The following CTDP1 variants were observed in gnomAD, a reference collection of about 807,000 sequenced individuals.
CTDP1 encodes the protein RNA polymerase II subunit A C-terminal domain phosphatase.
CTDP1 carries 47 observed loss-of-function variants against 91.8 expected under a neutral mutation model. The observed-to-expected ratio is 0.51, with a 90% CI of 0.41 to 0.65. The LOEUF is 0.65. Ranked by LOEUF, CTDP1 falls within the 30% of genes least tolerant of loss-of-function variation. The pLI, the probability that CTDP1 is intolerant of heterozygous loss-of-function variation, is 0.00. For synonymous variants in CTDP1, 656 were observed against 598.5 expected (o/e 1.10, Z -1.40); for missense variants, 1,272 against 1,373.7 (o/e 0.93, Z 1.17).
chr18:79,727,497 G>T (rs1264038901), intron 10 of CTDP1, among the ~76,000 whole-genome samples: 1 of 152,194 alleles, frequency 6.6e-6, no homozygotes, highest in Non-Finnish European at 1.5e-5. Flanking sequence ...GGGAAGCGTG[G>T]CGTTTGCGGC....
intron 11 of CTDP1, among the ~76,000 whole-genome samples, chr18:79,734,762 G>T (rs113149617): frequency 0.012 from 1,903 of 152,348 alleles, 39 homozygotes; most frequent in African/African-American, 0.044. Context: ...AATTATTCCC[G>T]TAGGAGATTT....
chr18:79,725,941 C>G (rs476465), intron 10 of CTDP1, among the ~76,000 whole-genome samples: 116,019 of 152,198 alleles, frequency 0.76, 44,479 homozygotes, highest in Middle Eastern at 0.8. Context: ...CTGCCTTCCA[C>G]GTTTTTCTCT....
In CTDP1 at chr18:79,713,332, A is replaced by T. The variant is rs142956492; in HGVS notation, c.1030+194A>T. Among the ~76,000 whole-genome samples, 1 of 152,160 alleles carries T rather than the reference A, an allele frequency of 6.6e-6. No homozygotes were observed. Among genetic ancestry groups the T allele is most frequent in the African/African-American group, 2.4e-5 (1 of 41,502 alleles). On this transcript the variant is annotated intron_variant, in intron 7 of 12. Transcript: ENST00000613122. The surrounding 1 kb of genome is among the most constrained non-coding windows in gnomAD (Gnocchi z 4.7). ...ATTAGGTTGTTTCAATTTGGGCTTT[A>T]AAAAAAATGGCCCTCACTTAAGCGT... is the stretch of plus-strand genomic sequence containing the variant.
At position 79,706,946 on chromosome 18, in the gene CTDP1, C is replaced by T. The variant is rs141383983; in HGVS notation, c.772+2029C>T. Among the ~76,000 whole-genome samples, 521 of 152,392 alleles carry T rather than the reference C, an allele frequency of 3.4e-3. 1 individual carries two copies. Among genetic ancestry groups the T allele is most frequent in the African/African-American group, 0.01 (433 of 41,598 alleles). ...TTCTCCTCCTGTCCCGTCTTCCATA[C>T]GTTGATCTGGTGCCCGTGCAAGTGT... On this transcript the variant is annotated intron_variant, in intron 5 of 12. Coordinates refer to ENST00000613122, the MANE Select transcript of CTDP1 (RefSeq NM_004715.5).
intron 1 of CTDP1, among the ~76,000 whole-genome samples, chr18:79,688,028 C>T (rs1462338256): frequency 6.6e-6 from 1 of 152,196 alleles, no homozygotes; most frequent in Admixed American, 6.5e-5. Flanking sequence ...CTGGGCTGCC[C>T]TTGTTCCTTC....
At chr18:79,731,128 G>A (rs955306871) in intron 11 of CTDP1, among the ~76,000 whole-genome samples, 1 of 152,172 alleles carries the variant, frequency 6.6e-6, no homozygotes, top group Non-Finnish European at 1.5e-5. Flanking sequence ...GGAGGCTGCC[G>A]TGGCCCCTCT....
At chr18:79,693,953 A>G (rs934144930) in intron 1 of CTDP1, among the ~76,000 whole-genome samples, 3 of 151,982 alleles carry the variant, frequency 2.0e-5, no homozygotes, top group South Asian at 2.1e-4. Context: ...ACAGCCTGCC[A>G]TGGCACAGTG....
At chr18:79,720,781 C>T (rs2086329015) in intron 10 of CTDP1, among the ~76,000 whole-genome samples, 1 of 152,164 alleles carries the variant, frequency 6.6e-6, no homozygotes. Flanking sequence ...CGCTGACGAC[C>T]CACGGTTGTC....
At chr18:79,695,182 C>G in intron 1 of CTDP1, 43 bp from the exon 2 acceptor site, 2 of 1,574,362 alleles carry the variant, frequency 1.3e-6, no homozygotes, top group Non-Finnish European at 1.7e-6. Flanking sequence ...TTTTGATAAA[C>G]CAAGAGATTT....
chr18:79,741,186 C>CT (rs2086770680), intron 12 of CTDP1, among the ~76,000 whole-genome samples: 1 of 148,134 alleles, frequency 6.8e-6, no homozygotes, highest in Non-Finnish European at 1.5e-5. Context: ...GTGAGGTCCC[C>CT]GTGCGGTTGA....
At chr18:79,712,386 A>G (rs1568192168) in intron 6 of CTDP1, among the ~76,000 whole-genome samples, 1 of 152,128 alleles carries the variant, frequency 6.6e-6, no homozygotes, top group Admixed American at 6.5e-5. Context: ...GGCTCAAGCT[A>G]TCCTCCCACT....
chr18:79,714,218 T>C lies in CTDP1; in HGVS notation c.1031-273T>C, dbSNP rs138018749. ...TAAAGGAAATACTCATTAGGGTATT[T>C]TGGATTTTTTGGATTGGGGATGTTC... On this transcript the variant is annotated intron_variant, in intron 7 of 12. Coordinates refer to ENST00000613122, the MANE Select transcript of CTDP1 (RefSeq NM_004715.5). Among the ~76,000 whole-genome samples, 174 of 152,310 alleles carry C rather than the reference T, an allele frequency of 1.1e-3. 2 individuals carry two copies. Among genetic ancestry groups the C allele is most frequent in the African/African-American group, 3.0e-3 (126 of 41,556 alleles).
chr18:79,718,016 G>T lies in CTDP1; in HGVS notation c.2417G>T (p.Arg806Ile). 6.2e-7 allele frequency: 1 copy of T among 1,612,928 alleles called. No homozygotes were observed. The highest frequency in any genetic ancestry group is 8.5e-7 in the Non-Finnish European group (1 of 1,179,836). ...ATCCGCCAGGAGCCCTCTTCCTTCA[G>T]GTACGTGGCGGCCCAGCCACTGTCC... ...LPIRQEPSSF[R>I]AVPPPQPQMF... The change falls in exon 10 of 13, where the codon AGA becomes ATA. Residue 806 changes from arginine to isoleucine, a missense_variant and splice_region_variant. Arg to Ile is a moderately conservative substitution (Grantham distance 97, BLOSUM62 -3). This residue lies in a region of CTDP1 where 881 missense variants were observed against 911.6 expected (regional missense o/e 0.97). Coordinates refer to ENST00000613122, the MANE Select transcript of CTDP1 (RefSeq NM_004715.5).
chr18:79,747,214 C>T (rs377065901), intron 12 of CTDP1, among the ~76,000 whole-genome samples: 4 of 152,344 alleles, frequency 2.6e-5, no homozygotes, highest in African/African-American at 9.6e-5. Flanking sequence ...GCAGCAGGCT[C>T]TCGGAGGGGA....
intron 4 of CTDP1, chr18:79,703,622 G>A (rs2085903785): frequency 6.6e-6 from 1 of 152,272 alleles, no homozygotes; most frequent in Non-Finnish European, 1.5e-5. Flanking sequence ...AGCACGTGAT[G>A]TTGGTGGAGG....
At chr18:79,694,397 CCGCGGGGCGCGG>C (rs2085700169) in intron 1 of CTDP1, among the ~76,000 whole-genome samples, 1 of 106,568 alleles carries the variant, frequency 9.4e-6, no homozygotes, top group African/African-American at 3.1e-5. Context: ...AGCCTCGTGT[CCGCGGGGCGCGG>C]TGGTCGGAGC....
chr18:79,710,686 ATTTTTTTTTTTTTTTTTTTT>A (rs11306504), intron 6 of CTDP1, among the ~76,000 whole-genome samples: 1 of 88,502 alleles, frequency 1.1e-5, no homozygotes, highest in Admixed American at 1.6e-4. Flanking sequence ...TCGCCCGGCA[ATTTTTTTTTTTTTTTTTTTT>A]TTTTTTTTTT....
chr18:79,729,453 C>T (rs573335091), intron 11 of CTDP1, among the ~76,000 whole-genome samples: 1 of 152,300 alleles, frequency 6.6e-6, no homozygotes, highest in Admixed American at 6.5e-5. Flanking sequence ...CCGGTCAACA[C>T]CCCCTGCCTG....
At chr18:79,684,594 C>A (rs2085445527) in intron 1 of CTDP1, among the ~76,000 whole-genome samples, 1 of 147,768 alleles carries the variant, frequency 6.8e-6, no homozygotes, top group African/African-American at 2.6e-5. Context: ...CAAGGTGGGT[C>A]CGTGCCCTCG....
Sources: allele counts gnomAD v4.1 joint callset (sites outside exome capture counted in the v4.1 genomes callset), GRCh38; gene constraint gnomAD v4.1.1; regional missense constraint gnomAD v4.1.1; non-coding constraint Gnocchi (gnomAD v3.1); transcripts MANE v1.5; gene names NCBI Gene and HGNC (gene_info 2026-07-23, HGNC 2026-07-21).